CALD1: variants seen among roughly 807,000 people sequenced by gnomAD.
CALD1 encodes caldesmon 1.
A neutral mutation model predicts 99.9 loss-of-function variants in CALD1; 33 were observed. The ratio of observed to expected loss-of-function variants is 0.33; its 90% CI spans 0.25 to 0.44. CALD1 has a LOEUF of 0.44. Among genes scored for constraint, CALD1 ranks in the 20% least tolerant of loss-of-function variants. CALD1 has a pLI of 1.00. For synonymous variants in CALD1, 310 were observed against 325.0 expected (o/e 0.95, Z 0.50); for missense variants, 861 against 962.1 (o/e 0.89, Z 1.39).
chr7:134,845,247 G>GT (rs1325162575), intron 2 of CALD1, among the ~76,000 whole-genome samples: 1 of 152,062 alleles, frequency 6.6e-6, no homozygotes, highest in Non-Finnish European at 1.5e-5. Flanking sequence ...ACTAGAGGAG[G>GT]TTTTGTATAC....
At chr7:134,836,108 G>A (rs1046258083) in intron 1 of CALD1, among the ~76,000 whole-genome samples, 3 of 143,622 alleles carry the variant, frequency 2.1e-5, no homozygotes, top group African/African-American at 8.0e-5. Context: ...TCGCGTCACT[G>A]CACTCCGGCC....
chr7:134,954,186 G>A (rs1208581016), intron 9 of CALD1, among the ~76,000 whole-genome samples: 1 of 152,176 alleles, frequency 6.6e-6, no homozygotes, highest in African/African-American at 2.4e-5. Flanking sequence ...GTTTGGGAAA[G>A]TCTGTACCTA....
intron 3 of CALD1, among the ~76,000 whole-genome samples, chr7:134,926,151 G>A (rs557908323): frequency 8.5e-5 from 13 of 152,208 alleles, no homozygotes; most frequent in African/African-American, 2.6e-4. Context: ...CTCACGAAGC[G>A]GCTCCTTAAC....
the CALD1 span, among the ~76,000 whole-genome samples, chr7:134,715,668 G>A: frequency 6.6e-6 from 1 of 152,148 alleles, no homozygotes; most frequent in South Asian, 2.1e-4. Flanking sequence ...CAGAGTTTAT[G>A]TTTATATTTA....
At chr7:134,819,945 G>A (rs1237420940) in intron 1 of CALD1, among the ~76,000 whole-genome samples, 1 of 152,166 alleles carries the variant, frequency 6.6e-6, no homozygotes, top group Non-Finnish European at 1.5e-5. Context: ...AGATAGCCAT[G>A]AAAATACACA....
At chr7:134,898,967 A>G (rs902923155) in intron 3 of CALD1, among the ~76,000 whole-genome samples, 1 of 152,366 alleles carries the variant, frequency 6.6e-6, no homozygotes, top group Non-Finnish European at 1.5e-5. Context: ...CTAACCCAGT[A>G]GATTTATAAA....
intron 1 of CALD1, among the ~76,000 whole-genome samples, chr7:134,796,298 C>G (rs1585960253): frequency 6.6e-6 from 1 of 152,178 alleles, no homozygotes; most frequent in Non-Finnish European, 1.5e-5. Flanking sequence ...TTTCCCTTCT[C>G]TATGATGCCA....
intron 3 of CALD1, among the ~76,000 whole-genome samples, chr7:134,873,678 C>G (rs1260144902): frequency 2.0e-5 from 3 of 152,172 alleles, no homozygotes; most frequent in Non-Finnish European, 4.4e-5. Flanking sequence ...AGCTTTAGCA[C>G]TGGGCAGCTA....
chr7:134,860,873 T>C (rs946345017), intron 2 of CALD1, among the ~76,000 whole-genome samples: 6 of 152,124 alleles, frequency 3.9e-5, no homozygotes, highest in Non-Finnish European at 7.4e-5. Flanking sequence ...CATGATTGAA[T>C]AAAAATATGG....
chr7:134,849,024 G>A (rs915977743), intron 2 of CALD1, among the ~76,000 whole-genome samples: 1 of 152,024 alleles, frequency 6.6e-6, no homozygotes, highest in Non-Finnish European at 1.5e-5. Context: ...ACCATAAAAT[G>A]GGCTTTTTTT....
the CALD1 span, among the ~76,000 whole-genome samples, chr7:134,721,997 C>A: frequency 6.6e-6 from 1 of 152,122 alleles, no homozygotes; most frequent in South Asian, 2.1e-4. Flanking sequence ...CTTTTCATTC[C>A]CTGACTGTAG....
At chr7:134,847,656 C>T (rs1327952914) in intron 2 of CALD1, among the ~76,000 whole-genome samples, 1 of 152,216 alleles carries the variant, frequency 6.6e-6, no homozygotes, top group Admixed American at 6.5e-5. Context: ...CTTTAGTAAC[C>T]TTGCCCAAAT....
At chr7:134,738,205 C>T in the CALD1 span, among the ~76,000 whole-genome samples, 1 of 152,192 alleles carries the variant, frequency 6.6e-6, no homozygotes, top group Non-Finnish European at 1.5e-5. Context: ...CTCTGTGACT[C>T]ACTCCAATTC....
At chr7:134,769,521 T>TAA (rs1398031082) in intron 1 of CALD1, among the ~76,000 whole-genome samples, 1 of 152,226 alleles carries the variant, frequency 6.6e-6, no homozygotes, top group East Asian at 1.9e-4. Context: ...TTTTGACCTT[T>TAA]GCAGTGTTCT....
chr7:134,785,876 CA>C (rs1469949363), intron 1 of CALD1, among the ~76,000 whole-genome samples: 1 of 152,202 alleles, frequency 6.6e-6, no homozygotes, highest in Non-Finnish European at 1.5e-5. Flanking sequence ...GGCAGCAGAA[CA>C]GAACTGAATA....
chr7:134,780,420 G>A (rs1279675086), intron 1 of CALD1, among the ~76,000 whole-genome samples: 1 of 151,502 alleles, frequency 6.6e-6, no homozygotes, highest in Non-Finnish European at 1.5e-5. Flanking sequence ...GAGAATGCAT[G>A]CGCTAGTGGG....
intron 2 of CALD1, chr7:134,866,734 G>A (rs1362962501): frequency 6.6e-6 from 1 of 152,130 alleles, no homozygotes; most frequent in Non-Finnish European, 1.5e-5. Flanking sequence ...TGTGATTCGA[G>A]CGCAGCAGAG....
intron 2 of CALD1, among the ~76,000 whole-genome samples, chr7:134,857,231 C>G (rs532820290): frequency 7.3e-6 from 1 of 137,334 alleles, no homozygotes. Context: ...TGCAGTGGCG[C>G]GATCTCGGCT....
At chr7:134,814,416 G>T (rs1055549244) in intron 1 of CALD1, among the ~76,000 whole-genome samples, 1 of 152,176 alleles carries the variant, frequency 6.6e-6, no homozygotes, top group Non-Finnish European at 1.5e-5. Context: ...TGGAAGTCCT[G>T]GGGGTCTTGC....
Sources: allele counts gnomAD v4.1 joint callset (sites outside exome capture counted in the v4.1 genomes callset), GRCh38; gene constraint gnomAD v4.1.1; transcripts MANE v1.5; gene names NCBI Gene and HGNC (gene_info 2026-07-23, HGNC 2026-07-21).